ANXA4: variants seen among roughly 807,000 people sequenced by gnomAD.
The protein encoded by ANXA4 is 35-beta calcimedin.
A neutral mutation model predicts 49.8 loss-of-function variants in ANXA4; 39 were observed. That is an observed-to-expected ratio of 0.78 (90% CI 0.61 to 1.02). The LOEUF (loss-of-function observed/expected upper bound fraction) is 1.02, where lower values mean the gene tolerates loss of function less well. ANXA4 is among the 50% of genes least tolerant of loss of function. The pLI, the probability that ANXA4 is intolerant of heterozygous loss-of-function variation, is 0.00. For synonymous variants in ANXA4, 134 were observed against 152.5 expected (o/e 0.88, Z 0.89); for missense variants, 360 against 410.1 (o/e 0.88, Z 1.05).
intron 7 of ANXA4, chr2:69,811,550 G>C (rs973419423): frequency 4.6e-5 from 7 of 152,224 alleles, no homozygotes; most frequent in African/African-American, 1.7e-4. Context: ...GGAGACTTCA[G>C]ACATTTCACA....
At chr2:69,666,909 G>A (rs910806880) in intron 2 of ANXA4, among the ~76,000 whole-genome samples, 1 of 152,144 alleles carries the variant, frequency 6.6e-6, no homozygotes, top group Non-Finnish European at 1.5e-5. Flanking sequence ...AGCTAAGCGT[G>A]TTGGTGCACA....
intron 5 of ANXA4, 80 bp downstream of exon 5, chr2:69,806,578 A>G (rs918906924): frequency 8.1e-7 from 1 of 1,230,800 alleles, no homozygotes; most frequent in South Asian, 1.2e-5. Flanking sequence ...TCACCCAATA[A>G]GAAAGACATG....
chr2:69,817,226 G>A (rs1426488331), intron 9 of ANXA4: 1 of 147,802 alleles, frequency 6.8e-6, no homozygotes, highest in Non-Finnish European at 1.5e-5. Flanking sequence ...CAAGTCAATA[G>A]TTAGGCAGTT....
At chr2:69,732,157 T>G (rs1670121032) in intron 3 of ANXA4, among the ~76,000 whole-genome samples, 1 of 151,576 alleles carries the variant, frequency 6.6e-6, no homozygotes, top group South Asian at 2.1e-4. Flanking sequence ...TTTTGTATTT[T>G]TAGTAAAGAT....
chr2:69,731,980 CTTT>C (rs11425067), intron 3 of ANXA4, among the ~76,000 whole-genome samples: 3 of 120,154 alleles, frequency 2.5e-5, no homozygotes, highest in Non-Finnish European at 3.3e-5. Context: ...TCTTTTCTTT[CTTT>C]TTTTTTTTTT....
chr2:69,720,096 T>C (rs1311223605), intron 2 of ANXA4, among the ~76,000 whole-genome samples: 1 of 152,148 alleles, frequency 6.6e-6, no homozygotes, highest in Non-Finnish European at 1.5e-5. Flanking sequence ...CCCCTCCAAA[T>C]AAGCAAGCAG....
intron 1 of ANXA4, among the ~76,000 whole-genome samples, chr2:69,758,111 C>T (rs1671135969): frequency 6.6e-6 from 1 of 152,184 alleles, no homozygotes; most frequent in South Asian, 2.1e-4. Context: ...CTCCTGGGTT[C>T]AAGCAATTCT....
At chr2:69,678,117 G>A (rs921818747) in intron 2 of ANXA4, among the ~76,000 whole-genome samples, 3 of 152,234 alleles carry the variant, frequency 2.0e-5, no homozygotes, top group East Asian at 1.9e-4. Flanking sequence ...TCGGCGGTCT[G>A]GAACTGAAAC....
intron 1 of ANXA4, among the ~76,000 whole-genome samples, chr2:69,762,690 T>C (rs904217166): frequency 1.3e-5 from 2 of 152,214 alleles, no homozygotes; most frequent in South Asian, 2.1e-4. Flanking sequence ...TCTGCCACCA[T>C]GATTCGCGCC....
At chr2:69,725,673 G>C (rs1260228346) in intron 3 of ANXA4, among the ~76,000 whole-genome samples, 2 of 152,140 alleles carry the variant, frequency 1.3e-5, no homozygotes, top group Admixed American at 6.6e-5. Context: ...GCTCAGAGAA[G>C]AGCAAACAGT....
chr2:69,742,852 C>A (rs1670456758), intron 1 of ANXA4, among the ~76,000 whole-genome samples: 1 of 152,188 alleles, frequency 6.6e-6, no homozygotes, highest in Non-Finnish European at 1.5e-5. Flanking sequence ...AGAGTGGGTC[C>A]TGCATAACTC....
At chr2:69,666,515 A>G (rs931630522) in intron 2 of ANXA4, among the ~76,000 whole-genome samples, 1 of 152,256 alleles carries the variant, frequency 6.6e-6, no homozygotes, top group Non-Finnish European at 1.5e-5. Context: ...AAGCATATGT[A>G]TGCAAAAAAA....
chr2:69,745,905 A>G (rs890580203), intron 1 of ANXA4, among the ~76,000 whole-genome samples: 1 of 152,202 alleles, frequency 6.6e-6, no homozygotes, highest in Non-Finnish European at 1.5e-5. Context: ...TAATAAAAAC[A>G]TATCACCTTC....
intron 7 of ANXA4, 42 bp from the exon 8 acceptor site, chr2:69,812,611 T>C: frequency 6.4e-7 from 1 of 1,556,098 alleles, no homozygotes; most frequent in Non-Finnish European, 8.8e-7. Context: ...GATCTTCATG[T>C]ATACTCTCGA....
intron 3 of ANXA4, among the ~76,000 whole-genome samples, chr2:69,798,707 GT>G (rs767343994): frequency 6.6e-6 from 1 of 152,220 alleles, no homozygotes; most frequent in Non-Finnish European, 1.5e-5. Context: ...GATGCCCGGT[GT>G]TTTTGATAGT....
upstream of ANXA4, among the ~76,000 whole-genome samples, chr2:69,741,155 A>T (rs1038477710): frequency 6.6e-6 from 1 of 152,202 alleles, no homozygotes; most frequent in Non-Finnish European, 1.5e-5. Flanking sequence ...TAAGGGTGCC[A>T]TTAACCACTT....
At chr2:69,717,657 G>A (rs559245519) in intron 2 of ANXA4, among the ~76,000 whole-genome samples, 6 of 152,120 alleles carry the variant, frequency 3.9e-5, no homozygotes, top group African/African-American at 1.4e-4. Flanking sequence ...TGGAAACTTT[G>A]CTTTTCTTTG....
At chr2:69,672,088 A>AAATAT (rs1462296876) in intron 2 of ANXA4, among the ~76,000 whole-genome samples, 6 of 152,250 alleles carry the variant, frequency 3.9e-5, no homozygotes, top group Admixed American at 3.3e-4. Flanking sequence ...GCAAACAAAC[A>AAATAT]AATATAATTG....
chr2:69,708,353 A>C (rs1427717968), intron 2 of ANXA4, among the ~76,000 whole-genome samples: 1 of 152,198 alleles, frequency 6.6e-6, no homozygotes, highest in Non-Finnish European at 1.5e-5. Flanking sequence ...AGCCAGGATA[A>C]AGACCATTAG....
Sources: allele counts gnomAD v4.1 joint callset (sites outside exome capture counted in the v4.1 genomes callset), GRCh38; gene constraint gnomAD v4.1.1; transcripts MANE v1.5; gene names NCBI Gene and HGNC (gene_info 2026-07-23, HGNC 2026-07-21).